The following L3MBTL4 variants were observed in gnomAD, a reference collection of about 807,000 sequenced individuals.
The protein encoded by L3MBTL4 is L3MBTL histone methyl-lysine binding protein 4.
A neutral mutation model predicts 84.5 loss-of-function variants in L3MBTL4; 70 were observed. The observed-to-expected ratio is 0.83, with a 90% CI of 0.68 to 1.01. L3MBTL4 has a LOEUF of 1.01. Ranked by LOEUF, L3MBTL4 falls within the 50% of genes least tolerant of loss-of-function variation. L3MBTL4 has a pLI of 0.00. For synonymous variants in L3MBTL4, 274 were observed against 259.8 expected (o/e 1.05, Z -0.52); for missense variants, 715 against 754.8 (o/e 0.95, Z 0.62).
At chr18:6,159,638 C>T (rs374317244) in intron 13 of L3MBTL4, among the ~76,000 whole-genome samples, 13 of 152,214 alleles carry the variant, frequency 8.5e-5, no homozygotes, top group South Asian at 2.1e-4. Context: ...GGTCCCTGCA[C>T]GGGAGGCTCC....
intron 4 of L3MBTL4, among the ~76,000 whole-genome samples, chr18:6,265,203 A>C (rs2048577747): frequency 6.6e-6 from 1 of 152,230 alleles, no homozygotes; most frequent in Admixed American, 6.5e-5. Flanking sequence ...AAATCATCTT[A>C]AGTGCCAGAA....
At chr18:6,375,874 T>C (rs2054345638) in intron 1 of L3MBTL4, among the ~76,000 whole-genome samples, 1 of 152,020 alleles carries the variant, frequency 6.6e-6, no homozygotes, top group Non-Finnish European at 1.5e-5. Flanking sequence ...CAACAAGAAA[T>C]AGGCAAAAGC....
chr18:5,989,743 A>G (rs2053606857), intron 16 of L3MBTL4, among the ~76,000 whole-genome samples: 1 of 152,224 alleles, frequency 6.6e-6, no homozygotes. Flanking sequence ...GGCTAATGTT[A>G]CTGGCCACAA....
At chr18:6,313,427 CT>C (rs1211021112) in intron 1 of L3MBTL4, among the ~76,000 whole-genome samples, 1 of 152,204 alleles carries the variant, frequency 6.6e-6, no homozygotes, top group African/African-American at 2.4e-5. Context: ...AAAAACACTT[CT>C]TTTCCACATA....
chr18:6,055,753 G>A (rs895445177), intron 16 of L3MBTL4, among the ~76,000 whole-genome samples: 1 of 152,092 alleles, frequency 6.6e-6, no homozygotes, highest in Admixed American at 6.5e-5. Flanking sequence ...TCCGGGGGAG[G>A]GGTGCCCAGT....
rs1405382026 is a variant in L3MBTL4, at chr18:6,414,702, C to G, written c.-91+99G>C. On this transcript the variant is annotated intron_variant, in intron 1 of 18. Transcript: ENST00000317931. This position sits in a 1 kb window ranked among gnomAD's most constrained non-coding sequence, Gnocchi z 5.4. ...CTCGCCGCGGGAGTCGTGCAGGCCC[C>G]TCTACCTGCCCGGGGATGGGGCCAC... The G allele has an allele frequency of 3.9e-5, 6 of 152,076 alleles. No homozygotes were observed. Among genetic ancestry groups the G allele is most frequent in the African/African-American group, 1.2e-4 (5 of 41,534 alleles). 9.4% of individuals were successfully genotyped at this position (152,076 alleles called of 1,614,324 possible).
At chr18:6,027,164 G>T (rs567337683) in intron 16 of L3MBTL4, among the ~76,000 whole-genome samples, 1 of 152,122 alleles carries the variant, frequency 6.6e-6, no homozygotes, top group Admixed American at 6.6e-5. Flanking sequence ...TTAGGTATTT[G>T]TCCTAATGCT....
chr18:6,267,797 CT>C (rs1344637921), intron 4 of L3MBTL4, among the ~76,000 whole-genome samples: 2 of 152,108 alleles, frequency 1.3e-5, no homozygotes, highest in African/African-American at 4.8e-5. Flanking sequence ...GCAATAAAAG[CT>C]TTCATTGAAT....
At chr18:6,154,914 T>C (rs1417332393) in intron 13 of L3MBTL4, among the ~76,000 whole-genome samples, 1 of 152,220 alleles carries the variant, frequency 6.6e-6, no homozygotes, top group African/African-American at 2.4e-5. Context: ...AATAGGTCCA[T>C]TGACATGAAA....
intron 13 of L3MBTL4, among the ~76,000 whole-genome samples, chr18:6,147,121 A>G (rs2042689612): frequency 6.6e-6 from 1 of 152,114 alleles, no homozygotes; most frequent in South Asian, 2.1e-4. Flanking sequence ...AATAATTAAG[A>G]TTTTACTATC....
chr18:6,066,582 C>A (rs2057405401), intron 16 of L3MBTL4, among the ~76,000 whole-genome samples: 1 of 152,060 alleles, frequency 6.6e-6, no homozygotes, highest in South Asian at 2.1e-4. Flanking sequence ...TCTTGTTGGA[C>A]TAATCCTCTT....
intron 1 of L3MBTL4, among the ~76,000 whole-genome samples, chr18:6,331,367 G>T (rs1417924578): frequency 6.6e-6 from 1 of 152,180 alleles, no homozygotes; most frequent in Non-Finnish European, 1.5e-5. Context: ...AAACATAGGT[G>T]TGGAGGTCCA....
At chr18:6,184,250 C>T (rs921190803) in intron 12 of L3MBTL4, among the ~76,000 whole-genome samples, 2 of 152,194 alleles carry the variant, frequency 1.3e-5, no homozygotes, top group African/African-American at 2.4e-5. Context: ...CACTTCCGAT[C>T]ATTTAGACTC....
At chr18:6,039,694 G>A (rs749870667) in intron 16 of L3MBTL4, among the ~76,000 whole-genome samples, 4 of 152,186 alleles carry the variant, frequency 2.6e-5, no homozygotes, top group African/African-American at 7.2e-5. Flanking sequence ...CTTGACCAGC[G>A]TGGTTATCTC....
intron 16 of L3MBTL4, 100 bp from the exon 17 acceptor site, chr18:5,969,662 G>A: frequency 1.7e-6 from 2 of 1,196,300 alleles, no homozygotes; most frequent in East Asian, 2.5e-5. Flanking sequence ...GGGACGGAAA[G>A]TGCAGACACC....
intron 16 of L3MBTL4, among the ~76,000 whole-genome samples, chr18:6,057,003 T>C (rs1772483161): frequency 1.3e-5 from 2 of 152,092 alleles, no homozygotes; most frequent in Non-Finnish European, 2.9e-5. Context: ...TTGATGCCAC[T>C]GCTAATTTTT....
At chr18:6,355,842 T>TAA (rs35189133) in intron 1 of L3MBTL4, among the ~76,000 whole-genome samples, 108 of 145,122 alleles carry the variant, frequency 7.4e-4, no homozygotes, top group Admixed American at 1.6e-3. Flanking sequence ...TTCAAATTTA[T>TAA]AAAAAAAAAA....
intron 13 of L3MBTL4, among the ~76,000 whole-genome samples, chr18:6,155,596 T>TA (rs1270897521): frequency 6.6e-6 from 1 of 152,224 alleles, no homozygotes. Flanking sequence ...AAGTGAAACT[T>TA]ACTGCTTTGC....
At chr18:6,073,239 A>G (rs2057747472) in intron 16 of L3MBTL4, among the ~76,000 whole-genome samples, 1 of 151,934 alleles carries the variant, frequency 6.6e-6, no homozygotes, top group Non-Finnish European at 1.5e-5. Flanking sequence ...GGAATGAAAA[A>G]GGAACATAAC....
Sources: gnomAD v4.1 joint callset for allele counts (sites outside exome capture counted in the v4.1 genomes callset) on GRCh38, gnomAD v4.1.1 for gene constraint, Gnocchi (gnomAD v3.1) non-coding constraint, MANE v1.5 for transcripts, NCBI Gene and HGNC (gene_info 2026-07-23, HGNC 2026-07-21) for gene names.